Variants in PHACTR4 observed in about 807,000 individuals in gnomAD.
The protein encoded by PHACTR4 is protein phosphatase 1, regulatory subunit 124.
Under a neutral mutation model 72.7 loss-of-function variants are expected in PHACTR4, and 51 were observed. The observed-to-expected ratio is 0.70, with a 90% CI of 0.56 to 0.89. The LOEUF (loss-of-function observed/expected upper bound fraction) is 0.89. Among genes scored for constraint, PHACTR4 ranks in the 40% least tolerant of loss-of-function variants. The pLI, the probability that PHACTR4 is intolerant of heterozygous loss-of-function variation, is 0.00. For missense variants in PHACTR4, 731 were observed against 861.8 expected (o/e 0.85, Z 1.90); for synonymous variants, 255 against 302.5 (o/e 0.84, Z 1.63).
At chr1:28,423,836 G>A (rs547195714) in intron 2 of PHACTR4, among the ~76,000 whole-genome samples, 5 of 152,236 alleles carry the variant, frequency 3.3e-5, no homozygotes, top group African/African-American at 1.2e-4. Flanking sequence ...TATAACACAC[G>A]TTCAATTCAT....
intron 2 of PHACTR4, chr1:28,454,049 C>T: frequency 3.6e-6 from 1 of 274,956 alleles, no homozygotes; most frequent in Non-Finnish European, 7.0e-6. Context: ...GACCTTGTCT[C>T]TATTAAAAAA....
At chr1:28,494,039 T>C (rs1196577445) in intron 13 of PHACTR4, among the ~76,000 whole-genome samples, 1 of 152,118 alleles carries the variant, frequency 6.6e-6, no homozygotes, top group Non-Finnish European at 1.5e-5. Flanking sequence ...TGAAAGTATC[T>C]TTACATGATT....
At chr1:28,479,893 T>TCAAA (rs917204107) in intron 8 of PHACTR4, among the ~76,000 whole-genome samples, 4 of 152,096 alleles carry the variant, frequency 2.6e-5, no homozygotes, top group South Asian at 2.1e-4. Flanking sequence ...AAGCTCTGTC[T>TCAAA]CAAACAAACA....
Position 28,473,614 on chromosome 1 carries a change from C to T in PHACTR4, c.884C>T (p.Pro295Leu), listed in dbSNP as rs774569751. 5 of 1,613,906 alleles carry T rather than the reference C, an allele frequency of 3.1e-6. No individual in the cohort carries two copies. Residue 295 changes from proline to leucine, a missense_variant, in exon 7 of 14, where the codon CCA (proline) becomes CTA (leucine). Physicochemically the swap from Pro to Leu is moderately conservative, Grantham distance 98. Around this residue, in one of 2 missense-constraint regions of PHACTR4, gnomAD observed 621 missense variants for 676.6 expected, o/e 0.92. Coordinates refer to ENST00000373839, the MANE Select transcript of PHACTR4 (RefSeq NM_001048183.3). Reference sequence around the variant, plus strand: ...TTATCAAAACCGTCCCCACCCTTACCACCTAAGAGAGGCATTCCATCAACC... The same window carrying T: ...TTATCAAAACCGTCCCCACCCTTACTACCTAAGAGAGGCATTCCATCAACC... Reference protein sequence around the residue: ...TLLSKPSPPLPPKRGIPSTSV... With the variant: ...TLLSKPSPPLLPKRGIPSTSV...
intron 1 of PHACTR4, among the ~76,000 whole-genome samples, chr1:28,397,208 C>T (rs1010050929): frequency 6.6e-6 from 1 of 152,146 alleles, no homozygotes; most frequent in East Asian, 1.9e-4. Context: ...CAACTATATG[C>T]CAGGCACAGC....
intron 1 of PHACTR4, among the ~76,000 whole-genome samples, chr1:28,400,888 G>A (rs1653894976): frequency 6.6e-6 from 1 of 152,074 alleles, no homozygotes; most frequent in South Asian, 2.1e-4. Context: ...CCTGAGTGAA[G>A]GGTTTTAAGA....
In PHACTR4 at chr1:28,465,790, C is replaced by T; in HGVS notation, c.377C>T (p.Pro126Leu). 6.2e-7 allele frequency: 1 copy of T among 1,613,484 alleles called. No individual in the cohort carries two copies. Among genetic ancestry groups the T allele is most frequent in the Non-Finnish European group, 8.5e-7 (1 of 1,179,722 alleles). ...SSSPVQVEEE[P>L]VRLASLRKAI... ...AGTCCAGTCCAAGTAGAGGAAGAGC[C>T]AGTAAGATTAGCAAGTCTTAGGAAA... is the stretch of plus-strand genomic sequence containing the variant. The change falls in exon 5 of 14, where the codon CCA becomes CTA. Residue 126 changes from proline to leucine, a missense_variant. This residue lies in a region of PHACTR4 where 621 missense variants were observed against 676.6 expected (regional missense o/e 0.92). Transcript: ENST00000373839.
chr1:28,404,043 G>A (rs191113213), intron 1 of PHACTR4, among the ~76,000 whole-genome samples: 127 of 152,116 alleles, frequency 8.3e-4, no homozygotes, highest in East Asian at 5.4e-3. Flanking sequence ...CAAGTTTTTC[G>A]TTTGTTTGTT....
At chr1:28,452,891 G>T (rs1030350513) in intron 2 of PHACTR4, among the ~76,000 whole-genome samples, 1 of 152,186 alleles carries the variant, frequency 6.6e-6, no homozygotes, top group African/African-American at 2.4e-5. Context: ...GGCCAAGGTG[G>T]GTGGATCACT....
At chr1:28,406,799 C>T (rs1654359922) in intron 1 of PHACTR4, among the ~76,000 whole-genome samples, 1 of 152,116 alleles carries the variant, frequency 6.6e-6, no homozygotes, top group African/African-American at 2.4e-5. Context: ...ACTTAGTCAA[C>T]TTTCTTTTGA....
At chr1:28,469,253 G>A (rs1462407351) in intron 6 of PHACTR4, among the ~76,000 whole-genome samples, 1 of 151,706 alleles carries the variant, frequency 6.6e-6, no homozygotes, top group Non-Finnish European at 1.5e-5. Context: ...AAAAACACTA[G>A]AAAAAAAACC....
intron 4 of PHACTR4, among the ~76,000 whole-genome samples, 186 bp from the exon 5 acceptor site, chr1:28,465,499 C>T (rs1253344356): frequency 6.6e-6 from 1 of 152,062 alleles, no homozygotes; most frequent in East Asian, 1.9e-4. Context: ...GCCATTTATC[C>T]TAGCACTTCG....
chr1:28,484,520 G>GTA (rs1295565905), intron 9 of PHACTR4, among the ~76,000 whole-genome samples: 2 of 150,886 alleles, frequency 1.3e-5, no homozygotes, highest in East Asian at 3.9e-4. Flanking sequence ...GTGTGTATGT[G>GTA]TATATATGTG....
At chr1:28,411,888 A>C (rs1367897136) in intron 2 of PHACTR4, among the ~76,000 whole-genome samples, 1 of 152,110 alleles carries the variant, frequency 6.6e-6, no homozygotes, top group Non-Finnish European at 1.5e-5. Context: ...AAAGAAAGAA[A>C]GAACGAATGA....
chr1:28,463,977 C>T (rs1275362594), intron 4 of PHACTR4, among the ~76,000 whole-genome samples: 10 of 152,134 alleles, frequency 6.6e-5, no homozygotes, highest in Middle Eastern at 3.4e-3. Flanking sequence ...ACGATCCTCC[C>T]GCCTCAGCCT....
In PHACTR4 at chr1:28,433,041, C is replaced by T. The variant is rs1347101027; in HGVS notation, c.16+25578C>T. The T allele has an allele frequency of 4.1e-6, 4 of 984,930 alleles. No homozygotes were observed. The East Asian group carries it at 4.5e-4, about 112-fold the overall frequency. The allele number at this position is 984,930 out of a possible 1,614,324, so 61.0% of individuals were successfully genotyped here. A position where few individuals can be genotyped will look rare whatever the true frequency, so the allele number is the denominator to read the frequency against. ...TAGAGGCGTGAGCCACTGCACCTGA[C>T]CTAAGGTTTCTTGTTCTTTCCCTAA... On this transcript the variant is annotated intron_variant, in intron 2 of 13. Coordinates refer to ENST00000373839, the MANE Select transcript of PHACTR4 (RefSeq NM_001048183.3).
intron 2 of PHACTR4, among the ~76,000 whole-genome samples, chr1:28,437,444 G>A (rs1479857349): frequency 6.6e-6 from 1 of 152,098 alleles, no homozygotes; most frequent in Non-Finnish European, 1.5e-5. Flanking sequence ...TACCCACGCT[G>A]ATCTCGAGCT....
intron 1 of PHACTR4, among the ~76,000 whole-genome samples, chr1:28,373,264 T>G (rs952840186): frequency 2.0e-5 from 3 of 151,468 alleles, no homozygotes; most frequent in African/African-American, 7.3e-5. Flanking sequence ...TAGCTATATA[T>G]TTATTCATTT....
At chr1:28,453,880 C>A in intron 2 of PHACTR4, 1 of 851,994 alleles carries the variant, frequency 1.2e-6, no homozygotes, top group Non-Finnish European at 1.9e-6. Context: ...GGATCAGGAC[C>A]AAAAGAAGAG....
Sources: gnomAD v4.1 joint callset for allele counts (sites outside exome capture counted in the v4.1 genomes callset) on GRCh38, gnomAD v4.1.1 for gene constraint, gnomAD v4.1.1 regional missense constraint, MANE v1.5 for transcripts, NCBI Gene and HGNC (gene_info 2026-07-23, HGNC 2026-07-21) for gene names.